ANO4: variants seen among roughly 807,000 people sequenced by gnomAD.
ANO4 encodes anoctamin-4.
ANO4 carries 69 observed loss-of-function variants against 141.9 expected under a neutral mutation model. That is an observed-to-expected ratio of 0.49 (90% CI 0.40 to 0.59). The LOEUF (loss-of-function observed/expected upper bound fraction) is 0.59, where lower values mean the gene tolerates loss of function less well. ANO4 is among the 20% of genes least tolerant of loss of function. The probability of loss-of-function intolerance (pLI) is 0.00; values close to 1 mark genes in which losing one functional copy is unlikely to be tolerated. For missense variants in ANO4, 894 were observed against 1,162.2 expected, an observed-to-expected ratio of 0.77 and a Z score of 3.36; for synonymous variants, 350 against 394.3, an observed-to-expected ratio of 0.89 and a Z score of 1.33.
chr12:100,726,482 G>T (rs974213570), intron 1 of ANO4, among the ~76,000 whole-genome samples: 1 of 152,220 alleles, frequency 6.6e-6, no homozygotes, highest in East Asian at 1.9e-4. Context: ...AAGGCCTTGA[G>T]AGTTTTGCTT....
At chr12:101,086,923 G>C in intron 17 of ANO4, 99 bp downstream of exon 17, 1 of 1,398,448 alleles carries the variant, frequency 7.2e-7, no homozygotes, top group Non-Finnish European at 9.8e-7. Context: ...CAGAGAGGTG[G>C]GCCATTCACA....
At chr12:101,037,288 T>C in intron 10 of ANO4, 138 bp downstream of exon 10, 1 of 804,714 alleles carries the variant, frequency 1.2e-6, no homozygotes, top group Non-Finnish European at 2.0e-6. Context: ...TTAGGGAGGG[T>C]CTACTTCAAT....
rs141662491 is a variant in ANO4 at position 100,930,695 on chromosome 12, C to T, written c.160+8365C>T. 3.7e-3 allele frequency among the ~76,000 whole-genome samples: 557 copies of T among 152,252 alleles called. 2 individuals carry two copies. Among genetic ancestry groups the T allele is most frequent in the Middle Eastern group, 0.01 (3 of 294 alleles). On this transcript the variant is annotated intron_variant, in intron 3 of 27. Coordinates refer to ENST00000392977, the MANE Select transcript of ANO4 (RefSeq NM_001286615.2). ...GTTCCTGCTGTCATATCTGTAATAACTAGAACCGCAGGTTCTTTAGGGAGA... is the reference window on the plus strand; with the variant it reads ...GTTCCTGCTGTCATATCTGTAATAATTAGAACCGCAGGTTCTTTAGGGAGA...
At chr12:100,901,429 A>G (rs1482068068) in intron 1 of ANO4, among the ~76,000 whole-genome samples, 2 of 152,176 alleles carry the variant, frequency 1.3e-5, no homozygotes, top group African/African-American at 4.8e-5. Context: ...AGCATTTTGG[A>G]AGGAATTTTT....
chr12:101,116,601 G>A, intron 24 of ANO4, 78 bp from the exon 25 acceptor site: 1 of 1,602,146 alleles, frequency 6.2e-7, no homozygotes, highest in Non-Finnish European at 8.5e-7. Flanking sequence ...AGTGACGTCT[G>A]GGAAGCAGGG....
At chr12:101,045,020 A>G (rs1325381520) in intron 13 of ANO4, among the ~76,000 whole-genome samples, 1 of 152,040 alleles carries the variant, frequency 6.6e-6, no homozygotes, top group Non-Finnish European at 1.5e-5. Context: ...ATGTGGAAAG[A>G]TATGCTTGAG....
intron 8 of ANO4, among the ~76,000 whole-genome samples, chr12:101,007,689 G>A (rs2045926667): frequency 6.6e-6 from 1 of 152,116 alleles, no homozygotes; most frequent in African/African-American, 2.4e-5. Flanking sequence ...TATTATTTGG[G>A]GGGGAAAAGA....
intron 8 of ANO4, among the ~76,000 whole-genome samples, chr12:100,990,744 G>T (rs1372807631): frequency 6.6e-6 from 1 of 152,172 alleles, no homozygotes; most frequent in Admixed American, 6.5e-5. Context: ...AGGGAGGTTG[G>T]TAAGTGATGA....
chr12:100,805,305 CTG>C (rs1301401284), intron 1 of ANO4, among the ~76,000 whole-genome samples: 1 of 152,072 alleles, frequency 6.6e-6, no homozygotes, highest in Non-Finnish European at 1.5e-5. Flanking sequence ...TTCCATTGGT[CTG>C]TGTGTCTGTT....
chr12:100,804,659 T>C (rs1169087836), intron 1 of ANO4, among the ~76,000 whole-genome samples: 1 of 152,220 alleles, frequency 6.6e-6, no homozygotes, highest in Non-Finnish European at 1.5e-5. Context: ...TGGCGTGAGA[T>C]GGTATTTCAT....
intron 1 of ANO4, among the ~76,000 whole-genome samples, chr12:100,818,268 A>G (rs1174742440): frequency 6.6e-6 from 1 of 151,886 alleles, no homozygotes; most frequent in Non-Finnish European, 1.5e-5. Flanking sequence ...TAAAAAAGTG[A>G]AGGGAAATGG....
At chr12:101,030,681 GT>G (rs981377672) in intron 9 of ANO4, among the ~76,000 whole-genome samples, 2 of 151,402 alleles carry the variant, frequency 1.3e-5, no homozygotes, top group Non-Finnish European at 1.5e-5. Context: ...ACCAGGAACT[GT>G]TTTTTTGAAA....
chr12:100,740,730 A>G (rs2031828319), intron 3 of ANO4, among the ~76,000 whole-genome samples: 1 of 152,316 alleles, frequency 6.6e-6, no homozygotes, highest in East Asian at 1.9e-4. Flanking sequence ...AACTAAGAAT[A>G]GTTTTTACAT....
intron 1 of ANO4, among the ~76,000 whole-genome samples, chr12:100,895,655 G>C (rs1305194739): frequency 1.3e-5 from 2 of 149,526 alleles, no homozygotes; most frequent in African/African-American, 2.5e-5. Flanking sequence ...TCCGCCTCTT[G>C]GGTTCAAGCG....
At position 100,946,549 on chromosome 12, in the gene ANO4, A is replaced by G. The variant is rs1011698629; in HGVS notation, c.456+4014A>G. On this transcript the variant is annotated intron_variant, in intron 5 of 27. Coordinates refer to ENST00000392977, the MANE Select transcript of ANO4 (RefSeq NM_001286615.2). ...AGAAGAGTCACAGACTATTTGTCTG[A>G]CACATGGTATTTATCTAAGCAGTTG... is the stretch of plus-strand genomic sequence containing the variant. Among the ~76,000 whole-genome samples the G allele has an allele frequency of 2.6e-5, 4 of 152,208 alleles. No homozygotes were observed. The South Asian group carries it at 6.2e-4, about 24-fold the overall frequency.
In ANO4 at chr12:101,045,236, A is replaced by G. The variant is rs1022474549; in HGVS notation, c.1251+1601A>G. ...ATTTCTAATTCTCACAGCAACTTCA[A>G]GATAGGTGTTATTATTTCCATTTTA... On this transcript the variant is annotated intron_variant, in intron 13 of 27. Transcript: ENST00000392977. 3.7e-4 allele frequency among the ~76,000 whole-genome samples: 56 copies of G among 152,220 alleles called. 1 individual carries two copies. Among genetic ancestry groups the G allele is most frequent in the African/African-American group, 1.3e-3 (53 of 41,456 alleles).
chr12:100,922,269 A>G lies in ANO4; in HGVS notation c.99A>G (p.Ile33Met). Residue 33 changes from isoleucine to methionine, a missense_variant, in exon 3 of 28, where the codon ATA becomes ATG. By Grantham distance (10) the Ile-to-Met change is conservative (BLOSUM62 1). Transcript: ENST00000392977. ...AAGGCTACCAGCTGGATATGCAAATACTACCTGACGGGCCAAAGAGTGATG... is the reference window on the plus strand; with the variant it reads ...AAGGCTACCAGCTGGATATGCAAATGCTACCTGACGGGCCAAAGAGTGATG... ...DLQGYQLDMQ[I>M]LPDGPKSDVD... The G allele has an allele frequency of 1.3e-6, 2 of 1,533,584 alleles. No homozygotes were observed. The highest frequency in any genetic ancestry group is 1.7e-6 in the Non-Finnish European group (2 of 1,146,042). 95.0% of individuals were successfully genotyped at this position (1,533,584 alleles called of 1,614,324 possible). A position where few individuals can be genotyped will look rare whatever the true frequency, so the allele number is the denominator to read the frequency against.
chr12:100,752,369 C>G (rs923715454), intron 3 of ANO4, among the ~76,000 whole-genome samples: 1 of 152,102 alleles, frequency 6.6e-6, no homozygotes, highest in African/African-American at 2.4e-5. Context: ...CCCTCTCCCT[C>G]TTACACACAC....
chr12:100,811,527 A>G (rs78443892), intron 1 of ANO4, among the ~76,000 whole-genome samples: 2,443 of 152,238 alleles, frequency 0.016, 55 homozygotes, highest in African/African-American at 0.056. Flanking sequence ...TGGGCTGCTT[A>G]TAAGGATTCA....
Sources: gnomAD v4.1 joint callset for allele counts (sites outside exome capture counted in the v4.1 genomes callset) on GRCh38, gnomAD v4.1.1 for gene constraint, MANE v1.5 for transcripts, NCBI Gene and HGNC (gene_info 2026-07-23, HGNC 2026-07-21) for gene names.